The following MYT1L variants were observed in gnomAD, a reference collection of about 807,000 sequenced individuals.
MYT1L encodes the protein myelin transcription factor 1-like protein.
MYT1L carries 12 observed loss-of-function variants against 126.7 expected under a neutral mutation model. That is an observed-to-expected ratio of 0.09 (90% CI 0.06 to 0.15). The LOEUF (loss-of-function observed/expected upper bound fraction) is 0.15, where lower values mean the gene tolerates loss of function less well. Among genes scored for constraint, MYT1L ranks in the 10% least tolerant of loss-of-function variants. The probability of loss-of-function intolerance (pLI) is 1.00; values close to 1 mark genes in which losing one functional copy is unlikely to be tolerated. For synonymous variants in MYT1L, 541 were observed against 604.2 expected (o/e 0.90, Z 1.53); for missense variants, 979 against 1,585.2 (o/e 0.62, Z 6.49).
At chr2:2,026,683 T>C (rs2149875667) in intron 4 of MYT1L, among the ~76,000 whole-genome samples, 1 of 152,246 alleles carries the variant, frequency 6.6e-6, no homozygotes, top group South Asian at 2.1e-4. Flanking sequence ...GGCCTCTGCC[T>C]GCCTCCCCGA....
chr2:2,111,748 T>G (rs2079491246), intron 3 of MYT1L, among the ~76,000 whole-genome samples: 1 of 152,188 alleles, frequency 6.6e-6, no homozygotes, highest in Admixed American at 6.5e-5. Flanking sequence ...TTCTCTTTCT[T>G]TATCTCAAAA....
intron 2 of MYT1L, among the ~76,000 whole-genome samples, chr2:2,267,074 G>T (rs1181324757): frequency 2.0e-5 from 3 of 152,236 alleles, no homozygotes; most frequent in Non-Finnish European, 1.5e-5. Context: ...AGCAAGCCAG[G>T]TGGGGAAACT....
chr2:2,286,776 T>C (rs1015865123), intron 1 of MYT1L, among the ~76,000 whole-genome samples: 1 of 152,244 alleles, frequency 6.6e-6, no homozygotes, highest in Admixed American at 6.5e-5. Context: ...TGGAGAACTA[T>C]GCCAGGACAC....
chr2:2,194,526 C>G (rs564969870), intron 2 of MYT1L, among the ~76,000 whole-genome samples: 1 of 152,292 alleles, frequency 6.6e-6, no homozygotes, highest in South Asian at 2.1e-4. Flanking sequence ...GCTGGGACCA[C>G]CTTGCTGCCG....
At chr2:2,135,696 A>T (rs2148077662) in intron 3 of MYT1L, among the ~76,000 whole-genome samples, 1 of 152,288 alleles carries the variant, frequency 6.6e-6, no homozygotes, top group East Asian at 1.9e-4. Flanking sequence ...TGGGTCTTGT[A>T]CTCTATGGAA....
At chr2:1,946,490 T>C (rs1393428611) in intron 8 of MYT1L, among the ~76,000 whole-genome samples, 6 of 152,060 alleles carry the variant, frequency 3.9e-5, no homozygotes, top group African/African-American at 1.4e-4. Context: ...AGGGACTTCA[T>C]TGCCACCTTG....
chr2:2,144,573 T>C (rs1360787844), intron 3 of MYT1L, among the ~76,000 whole-genome samples: 2 of 152,162 alleles, frequency 1.3e-5, no homozygotes, highest in Non-Finnish European at 2.9e-5. Context: ...TATGGACTAG[T>C]GTGGGAAACG....
At chr2:1,897,191 A>C (rs1168933551) in intron 14 of MYT1L, among the ~76,000 whole-genome samples, 1 of 152,250 alleles carries the variant, frequency 6.6e-6, no homozygotes, top group African/African-American at 2.4e-5. Flanking sequence ...TACAGTTAAA[A>C]TTGCTCAGGA....
chr2:2,228,996 G>T lies in MYT1L; in HGVS notation c.-421+55408C>A, dbSNP rs1047052797. On this transcript the variant is annotated intron_variant, in intron 2 of 24. Coordinates refer to ENST00000647738, the MANE Select transcript of MYT1L (RefSeq NM_001303052.2). The surrounding 1 kb of genome is among the most constrained non-coding windows in gnomAD (Gnocchi z 5.9). ...CGTATCCAGCTGAGCTCCTGGCTCCGATTTCTCAGCAGCAAACAGCCGGTT... is the reference window on the plus strand; with the variant it reads ...CGTATCCAGCTGAGCTCCTGGCTCCTATTTCTCAGCAGCAAACAGCCGGTT... 6.6e-6 allele frequency among the ~76,000 whole-genome samples: 1 copy of T among 152,162 alleles called. No individual in the cohort carries two copies. The highest frequency in any genetic ancestry group is 1.5e-5 in the Non-Finnish European group (1 of 68,028).
chr2:2,238,372 T>C (rs2149118441), intron 2 of MYT1L, among the ~76,000 whole-genome samples: 1 of 152,220 alleles, frequency 6.6e-6, no homozygotes, highest in Admixed American at 6.5e-5. Context: ...CAGAGAGTGG[T>C]TCATTTCTGT....
chr2:2,286,245 T>G (rs550999842), intron 1 of MYT1L, among the ~76,000 whole-genome samples: 21 of 152,284 alleles, frequency 1.4e-4, no homozygotes, highest in African/African-American at 2.4e-4. Flanking sequence ...CCTCCCAATG[T>G]GCTGGGATTA....
intron 2 of MYT1L, among the ~76,000 whole-genome samples, chr2:2,242,217 C>G (rs2094453249): frequency 6.6e-6 from 1 of 152,294 alleles, no homozygotes; most frequent in Admixed American, 6.5e-5. Context: ...TCCATGAGTA[C>G]AGAGACCAGA....
intron 10 of MYT1L, among the ~76,000 whole-genome samples, chr2:1,919,830 G>T (rs1266869691): frequency 6.6e-6 from 1 of 152,116 alleles, no homozygotes; most frequent in Admixed American, 6.6e-5. Context: ...CCAGGTTCAC[G>T]CCATTCTCCT....
At chr2:2,074,374 T>A (rs1261305677) in intron 3 of MYT1L, among the ~76,000 whole-genome samples, 1 of 152,228 alleles carries the variant, frequency 6.6e-6, no homozygotes, top group Non-Finnish European at 1.5e-5. Flanking sequence ...CCTTAACACA[T>A]CCACTGTGAG....
chr2:1,978,974 C>A (rs898769233), intron 8 of MYT1L, among the ~76,000 whole-genome samples, 191 bp downstream of exon 8: 1 of 152,026 alleles, frequency 6.6e-6, no homozygotes, highest in Non-Finnish European at 1.5e-5. Flanking sequence ...ATTCTGCCCA[C>A]GAGATCGAAC....
chr2:2,308,337 A>G (rs1359037041), intron 1 of MYT1L, among the ~76,000 whole-genome samples: 2 of 151,880 alleles, frequency 1.3e-5, no homozygotes, highest in African/African-American at 4.8e-5. Flanking sequence ...ACACTTCACT[A>G]TACTCTACCT....
chr2:2,171,823 A>G (rs1265335948), intron 3 of MYT1L, among the ~76,000 whole-genome samples: 1 of 152,124 alleles, frequency 6.6e-6, no homozygotes, highest in African/African-American at 2.4e-5. Context: ...AGCTTGCAGC[A>G]TATGGAAGAC....
intron 5 of MYT1L, among the ~76,000 whole-genome samples, chr2:1,980,946 G>A (rs955027922): frequency 2.0e-5 from 3 of 152,220 alleles, no homozygotes; most frequent in East Asian, 1.9e-4. Context: ...CCTCTACACC[G>A]GCTCACAGGG....
intron 19 of MYT1L, among the ~76,000 whole-genome samples, chr2:1,845,957 C>T (rs949446346): frequency 6.6e-6 from 1 of 152,216 alleles, no homozygotes; most frequent in Non-Finnish European, 1.5e-5. Flanking sequence ...TGCAGTGGCT[C>T]AGCGTCGCCT....
Sources: gnomAD v4.1 joint callset for allele counts (sites outside exome capture counted in the v4.1 genomes callset) on GRCh38, gnomAD v4.1.1 for gene constraint, Gnocchi (gnomAD v3.1) non-coding constraint, MANE v1.5 for transcripts, NCBI Gene and HGNC (gene_info 2026-07-23, HGNC 2026-07-21) for gene names.